FGF13: variants seen among roughly 807,000 people sequenced by gnomAD.
The protein encoded by FGF13 is fibroblast growth factor homologous factor 2.
A neutral mutation model predicts 19.5 loss-of-function variants in FGF13; 2 were observed. That is an observed-to-expected ratio of 0.10 (90% CI 0.04 to 0.32). The LOEUF is 0.32. Among genes scored for constraint, FGF13 ranks in the 10% least tolerant of loss-of-function variants. The probability of loss-of-function intolerance (pLI) is 1.00; values close to 1 mark genes in which losing one functional copy is unlikely to be tolerated. For synonymous variants in FGF13, 72 were observed against 76.9 expected (o/e 0.94, Z 0.33); for missense variants, 113 against 192.7 (o/e 0.59, Z 2.45).
At chrX:138,664,649 A>T (rs1255287114) in intron 3 of FGF13, among the ~76,000 whole-genome samples, 1 of 111,322 alleles carries the variant, frequency 9.0e-6, no homozygotes, top group Non-Finnish European at 1.9e-5. Context: ...TAGTTATAGA[A>T]CACTTGGCAG....
chrX:138,739,114 T>C (rs751630310), intron 1 of FGF13: 49 of 459,193 alleles, frequency 1.1e-4, no homozygotes, highest in African/African-American at 6.4e-4. Flanking sequence ...CCCTGTCCCA[T>C]CCAGAACGAA....
At chrX:138,980,287 C>T (rs1262386979) in intron 1 of FGF13, among the ~76,000 whole-genome samples, 3 of 111,035 alleles carry the variant, frequency 2.7e-5, no homozygotes, top group Non-Finnish European at 3.8e-5. Context: ...TTTTAATCCC[C>T]GAGCCAAACC....
chrX:138,781,936 A>T (rs1196286446), intron 3 of FGF13, among the ~76,000 whole-genome samples: 2 of 112,199 alleles, frequency 1.8e-5, no homozygotes, highest in Non-Finnish European at 3.8e-5. Context: ...CGAATCCAGC[A>T]GCACATCAAA....
At chrX:138,858,164 T>C (rs2124141815) in intron 2 of FGF13, among the ~76,000 whole-genome samples, 1 of 112,189 alleles carries the variant, frequency 8.9e-6, no homozygotes, top group African/African-American at 3.2e-5. Flanking sequence ...CACTGCTCTT[T>C]ACTCTTTTGA....
chrX:138,701,629 C>A (rs1453377375), intron 3 of FGF13, among the ~76,000 whole-genome samples: 2 of 112,236 alleles, frequency 1.8e-5, no homozygotes, highest in Non-Finnish European at 3.8e-5. Flanking sequence ...TTTTCATAAT[C>A]TTTTCTCATC....
intron 1 of FGF13, among the ~76,000 whole-genome samples, chrX:139,052,058 C>A (rs867434428): frequency 3.6e-5 from 4 of 111,592 alleles, no homozygotes; most frequent in African/African-American, 1.3e-4. Flanking sequence ...TTCTTTCCAA[C>A]TTTGCCTTGT....
At chrX:138,856,842 C>T (rs188319796), downstream of FGF13, among the ~76,000 whole-genome samples, 532 of 111,929 alleles carry the variant, frequency 4.8e-3, 5 homozygotes, top group African/African-American at 0.016. Context: ...AGATGAAATA[C>T]TTTGAAGATA....
chrX:138,827,565 T>C (rs1046457356), intron 3 of FGF13, among the ~76,000 whole-genome samples: 1 of 111,329 alleles, frequency 9.0e-6, no homozygotes, highest in Non-Finnish European at 1.9e-5. Context: ...TTAACAATAG[T>C]TAGAATAGCT....
intron 1 of FGF13, among the ~76,000 whole-genome samples, chrX:139,111,815 A>G (rs1273356122): frequency 8.9e-6 from 1 of 111,854 alleles, no homozygotes; most frequent in African/African-American, 3.2e-5. Context: ...TACCTAATAT[A>G]TTTTCCCTAT....
downstream of FGF13, chrX:138,857,461 G>T (rs2091264373): frequency 6.2e-6 from 7 of 1,123,768 alleles, no homozygotes; most frequent in Admixed American, 2.6e-5. Flanking sequence ...GAAAGAGAAA[G>T]AAAGAAGAAT....
intron 1 of FGF13, among the ~76,000 whole-genome samples, chrX:138,974,272 T>A (rs1200633261): frequency 1.8e-5 from 2 of 111,221 alleles, no homozygotes; most frequent in African/African-American, 6.5e-5. Context: ...TTGGGGAAAA[T>A]AAAGGAAACT....
At chrX:139,177,868 G>T in intron 1 of FGF13, among the ~76,000 whole-genome samples, 1 of 112,410 alleles carries the variant, frequency 8.9e-6, no homozygotes, top group East Asian at 2.8e-4. Flanking sequence ...AGGCACCCAA[G>T]GGAATCTCCT....
At chrX:139,163,418 G>A (rs2084052654) in intron 1 of FGF13, among the ~76,000 whole-genome samples, 1 of 110,846 alleles carries the variant, frequency 9.0e-6, no homozygotes, top group South Asian at 3.9e-4. Flanking sequence ...GGGAGGGATA[G>A]CATTAGGAGA....
chrX:138,663,611 T>C (rs2089510927), intron 3 of FGF13, among the ~76,000 whole-genome samples: 1 of 111,839 alleles, frequency 8.9e-6, no homozygotes, highest in African/African-American at 3.2e-5. Context: ...TAATTCTGTA[T>C]CTAGTCCCAA....
chrX:139,079,213 C>G (rs983429684), intron 1 of FGF13, among the ~76,000 whole-genome samples: 1 of 110,888 alleles, frequency 9.0e-6, no homozygotes, highest in African/African-American at 3.3e-5. Context: ...GAAAGCATAC[C>G]CTATTTTACA....
intron 1 of FGF13, among the ~76,000 whole-genome samples, chrX:138,978,266 G>GTTTTTTTTTTTTTTTTTTTTTTTTT (rs10666140): frequency 3.1e-4 from 26 of 82,885 alleles, no homozygotes; most frequent in African/African-American, 4.9e-4. Flanking sequence ...AGCTGCCCTG[G>GTTTTTTTTTTTTTTTTTTTTTTTTT]TTTTTTTTTT....
At chrX:138,665,717 T>C (rs1314729696) in intron 3 of FGF13, among the ~76,000 whole-genome samples, 3 of 111,119 alleles carry the variant, frequency 2.7e-5, no homozygotes, top group South Asian at 3.8e-4. Flanking sequence ...AACTGAGATG[T>C]AGTGGCACTT....
chrX:139,050,152 T>A (rs755563222), intron 1 of FGF13, among the ~76,000 whole-genome samples: 2 of 110,955 alleles, frequency 1.8e-5, no homozygotes, highest in African/African-American at 6.6e-5. Context: ...GAGACATATG[T>A]CAACAGATCA....
chrX:138,666,989 G>T (rs1238477455), intron 3 of FGF13, among the ~76,000 whole-genome samples: 1 of 108,903 alleles, frequency 9.2e-6, no homozygotes, highest in Admixed American at 1.0e-4. Flanking sequence ...TCATAATAAC[G>T]AGTAAACAGC....
Sources: allele counts gnomAD v4.1 joint callset (sites outside exome capture counted in the v4.1 genomes callset), GRCh38; gene constraint gnomAD v4.1.1; transcripts MANE v1.5; gene names NCBI Gene and HGNC (gene_info 2026-07-23, HGNC 2026-07-21).